PRSS12: variants seen among roughly 807,000 people sequenced by gnomAD.
PRSS12 encodes the protein serine protease 12, also known as neurotrypsin.
A neutral mutation model predicts 104.4 loss-of-function variants in PRSS12; 85 were observed. That is an observed-to-expected ratio of 0.81 (90% confidence interval 0.68 to 0.98). The LOEUF is 0.98. PRSS12 is among the 50% of genes least tolerant of loss of function. The pLI is 0.00. For synonymous variants in PRSS12, 454 were observed against 425.2 expected (o/e 1.07, Z -0.83); for missense variants, 1,141 against 1,139.2 (o/e 1.00, Z -0.02).
chr4:118,346,646 G>A (rs909234729), intron 1 of PRSS12, among the ~76,000 whole-genome samples: 28 of 151,992 alleles, frequency 1.8e-4, no homozygotes, highest in African/African-American at 6.3e-4. Context: ...CCCAGCAGGA[G>A]GTGACCAGGA....
At position 118,292,017 on chromosome 4, in the gene PRSS12, G is replaced by A. The variant is rs150418230; in HGVS notation, c.2039+2922C>T. ...AGTGCAGCAAACCACGATGACACGCGTATACCTATGTAACAAACCTGCACG... is the reference window on the plus strand; with the variant it reads ...AGTGCAGCAAACCACGATGACACGCATATACCTATGTAACAAACCTGCACG... On this transcript the variant is annotated intron_variant, in intron 11 of 12. Transcript: ENST00000296498. Among the ~76,000 whole-genome samples, 1,240 of 151,808 alleles carry A rather than the reference G, an allele frequency of 8.2e-3. 7 individuals carry two copies. Among genetic ancestry groups the A allele is most frequent in the Non-Finnish European group, 0.014 (934 of 67,960 alleles).
chr4:118,316,081 G>T, intron 6 of PRSS12, 101 bp downstream of exon 6: 1 of 1,304,420 alleles, frequency 7.7e-7, no homozygotes, highest in Non-Finnish European at 1.1e-6. Context: ...GAGAGAACAG[G>T]TATTTTTATT....
intron 4 of PRSS12, among the ~76,000 whole-genome samples, chr4:118,320,471 G>A (rs1034337611): frequency 6.6e-6 from 1 of 152,126 alleles, no homozygotes; most frequent in Non-Finnish European, 1.5e-5. Context: ...TCATTAGAGG[G>A]CCAGACACAG....
In PRSS12 at chr4:118,281,739, G is replaced by T. The variant is rs1742861545; in HGVS notation, c.*197C>A. 1 of 609,352 alleles carries T rather than the reference G, an allele frequency of 1.6e-6. No individual in the cohort carries two copies. The allele number at this position is 609,352 out of a possible 1,614,324, so 37.7% of individuals were successfully genotyped here. On this transcript the variant is annotated 3_prime_UTR_variant, in exon 13 of 13. Coordinates refer to ENST00000296498, the MANE Select transcript of PRSS12 (RefSeq NM_003619.4). ...TTAGGGTAGAAAATGTTCATTTAAG[G>T]ATTATCACTTCCACTACACTGAGGC...
At position 118,295,835 on chromosome 4, in the gene PRSS12, C is replaced by T. The variant is rs1182867218; in HGVS notation, c.1859G>A (p.Gly620Asp). The T allele has an allele frequency of 1.2e-6, 2 of 1,613,944 alleles. No individual in the cohort carries two copies. Among genetic ancestry groups the T allele is most frequent in the Admixed American group, 1.7e-5 (1 of 59,996 alleles). ...CTGCCGACGGTGCAGTAATCTCAAGCCACAAACAGATGAGAGGGACTCTGA... is the reference window on the plus strand; with the variant it reads ...CTGCCGACGGTGCAGTAATCTCAAGTCACAAACAGATGAGAGGGACTCTGA... ...SNKESLSSVC[G>D]LRLLHRRQKR... is the part of the protein sequence containing the mutation. The change falls in exon 10 of 13, where the codon GGC (glycine) becomes GAC (aspartate). Residue 620 changes from glycine (G) to aspartate (D), a missense_variant. Transcript: ENST00000296498.
rs74429304 is a variant in PRSS12, at chr4:118,333,433, T to C, written c.821-1567A>G. ...AGTAAGCACTCATATTTGAGTTTTG[T>C]AGCAGAAATTTAGATTAGTGACTAT... On this transcript the variant is annotated intron_variant, in intron 3 of 12. Transcript: ENST00000296498. 8.5e-5 allele frequency among the ~76,000 whole-genome samples: 13 copies of C among 152,368 alleles called. No homozygotes were observed. The East Asian group carries it at 2.5e-3, about 29-fold the overall frequency.
Position 118,281,509 on chromosome 4 carries a change from C to T in PRSS12, c.*427G>A. 1 of 206,422 alleles carries T rather than the reference C, an allele frequency of 4.8e-6. No individual in the cohort carries two copies. The highest frequency in any genetic ancestry group is 1.0e-5 in the Non-Finnish European group (1 of 99,298). The allele number at this position is 206,422 out of a possible 1,614,324, so 12.8% of individuals were successfully genotyped here. On this transcript the variant is annotated 3_prime_UTR_variant, in exon 13 of 13. Coordinates refer to ENST00000296498, the MANE Select transcript of PRSS12 (RefSeq NM_003619.4). ...GTCAAGTCTTTTGAAAAGACCTAAG[C>T]ATAAATATGCCACTCATGAGTGTAG...
At position 118,339,723 on chromosome 4, in the gene PRSS12, T is replaced by C. The variant is rs1322604599; in HGVS notation, c.503-1409A>G. Among the ~76,000 whole-genome samples the C allele has an allele frequency of 3.9e-5, 6 of 152,350 alleles. 1 individual carries two copies. In the East Asian group the frequency reaches 1.2e-3, roughly 29 times the overall value. On this transcript the variant is annotated intron_variant, in intron 1 of 12. Transcript: ENST00000296498. Reference sequence around the variant, plus strand: ...GGAAGTCCTGCCTAGCTCAGTGAAGTATGAACTACAGAATATTTTTAAGGA... The same window carrying C: ...GGAAGTCCTGCCTAGCTCAGTGAAGCATGAACTACAGAATATTTTTAAGGA...
chr4:118,294,349 A>G (rs180835164), intron 11 of PRSS12, among the ~76,000 whole-genome samples: 1 of 152,306 alleles, frequency 6.6e-6, no homozygotes, highest in Non-Finnish European at 1.5e-5. Flanking sequence ...TAAACAAGAG[A>G]AAGTAGAGCC....
chr4:118,342,048 G>C (rs1418796397), intron 1 of PRSS12, among the ~76,000 whole-genome samples: 1 of 152,124 alleles, frequency 6.6e-6, no homozygotes, highest in East Asian at 1.9e-4. Context: ...TGGCTTTCTG[G>C]TGCTCCTATA....
chr4:118,329,943 C>A lies in PRSS12; in HGVS notation c.971+1773G>T, dbSNP rs60962292. On this transcript the variant is annotated intron_variant, in intron 4 of 12. Transcript: ENST00000296498. ...GAGAAAATTGCTCGTGAAATTGATA[C>A]CCAGTCAAAACACTTTTAAAAAATC... 4.4e-3 allele frequency among the ~76,000 whole-genome samples: 665 copies of A among 152,218 alleles called. 7 individuals carry two copies. Among genetic ancestry groups the A allele is most frequent in the African/African-American group, 0.015 (639 of 41,526 alleles).
chr4:118,333,930 T>C (rs1723997008), intron 3 of PRSS12, among the ~76,000 whole-genome samples: 1 of 152,180 alleles, frequency 6.6e-6, no homozygotes, highest in African/African-American at 2.4e-5. Context: ...TATAGATAAT[T>C]AAACTCCCCA....
rs1743802849 is a variant in PRSS12, at chr4:118,313,250, A to G, written c.1440T>C (p.Asp480=). The change falls in exon 7 of 13, where the codon GAT becomes GAC. Residue 480 remains aspartate, a synonymous_variant. Coordinates refer to ENST00000296498, the MANE Select transcript of PRSS12 (RefSeq NM_003619.4). ...CGCCAGGGTAGCAGGCAATGCTAAC[A>G]TCTTCGCGGTGGCTGCAGTCATGCC... ...WGRHDCSHRE[D]VSIACYPGGE... 3 of 1,614,084 alleles carry G rather than the reference A, an allele frequency of 1.9e-6. No individual in the cohort carries two copies. The highest frequency in any genetic ancestry group is 3.3e-5 in the Admixed American group (2 of 60,008).
intron 1 of PRSS12, among the ~76,000 whole-genome samples, chr4:118,351,051 A>T (rs888791742): frequency 6.6e-6 from 1 of 152,208 alleles, no homozygotes; most frequent in African/African-American, 2.4e-5. Flanking sequence ...ACACAAGTAA[A>T]GCGATGACTT....
In PRSS12 at chr4:118,352,829, C is replaced by G. The variant is rs1378983653; in HGVS notation, c.-109G>C. 1 of 1,502,824 alleles carries G rather than the reference C, an allele frequency of 6.7e-7. No homozygotes were observed. The highest frequency in any genetic ancestry group is 8.9e-7 in the Non-Finnish European group (1 of 1,127,628). The allele number at this position is 1,502,824 out of a possible 1,614,324, so 93.1% of individuals were successfully genotyped here. ...GCCGCGTCCCTCGAATCCCCCAGCC[C>G]CCTCCCGCCCCCGCACGCGGACCGC... is the stretch of plus-strand genomic sequence containing the variant. On this transcript the variant is annotated 5_prime_UTR_variant, in exon 1 of 13. Transcript: ENST00000296498.
chr4:118,294,235 T>C (rs770021753), intron 11 of PRSS12, among the ~76,000 whole-genome samples: 1 of 152,220 alleles, frequency 6.6e-6, no homozygotes, highest in Non-Finnish European at 1.5e-5. Flanking sequence ...CTCAACACAT[T>C]GCTTTAATAA....
At chr4:118,342,942 C>T (rs948726512) in intron 1 of PRSS12, among the ~76,000 whole-genome samples, 7 of 152,134 alleles carry the variant, frequency 4.6e-5, no homozygotes, top group Admixed American at 3.9e-4. Context: ...GACAACTTCG[C>T]TAGAAAACAG....
intron 7 of PRSS12, among the ~76,000 whole-genome samples, chr4:118,311,745 C>T (rs1261468375): frequency 2.0e-5 from 3 of 152,114 alleles, no homozygotes; most frequent in Non-Finnish European, 4.4e-5. Context: ...TTTAAAAATA[C>T]ATCTAGAGTC....
In PRSS12 at chr4:118,295,824, G is replaced by A; in HGVS notation, c.1870C>T (p.Leu624=). ...SLSSVCGLRL[L]HRRQKRIIGG... ...ATGATCCGCTTCTGCCGACGGTGCA[G>A]TAATCTCAAGCCACAAACAGATGAG... The change falls in exon 10 of 13, where the codon CTG becomes TTG. Residue 624 remains leucine (L), a synonymous_variant. Coordinates refer to ENST00000296498, the MANE Select transcript of PRSS12 (RefSeq NM_003619.4). The A allele has an allele frequency of 6.2e-7, 1 of 1,614,076 alleles. No homozygotes were observed. The highest frequency in any genetic ancestry group is 8.5e-7 in the Non-Finnish European group (1 of 1,179,978).
Sources: gnomAD v4.1 joint callset for allele counts (sites outside exome capture counted in the v4.1 genomes callset) on GRCh38, gnomAD v4.1.1 for gene constraint, MANE v1.5 for transcripts, NCBI Gene and HGNC (gene_info 2026-07-23, HGNC 2026-07-21) for gene names.